Variants in NR2F1-AS1 observed in about 807,000 individuals in gnomAD.
NR2F1-AS1 encodes the protein NR2F1 antisense RNA 1.
chr5:93,415,971 G>A (rs1361933273), intron 4 of NR2F1-AS1, among the ~76,000 whole-genome samples: 1 of 152,158 alleles, frequency 6.6e-6, no homozygotes, highest in Non-Finnish European at 1.5e-5. Context: ...TTCACCACAA[G>A]TGGTGCCCAT....
At chr5:93,526,176 C>T (rs1245393128) in intron 4 of NR2F1-AS1, among the ~76,000 whole-genome samples, 1 of 152,122 alleles carries the variant, frequency 6.6e-6, no homozygotes, top group Non-Finnish European at 1.5e-5. Flanking sequence ...AAGGCAATAT[C>T]ACCACTGATC....
At chr5:93,535,614 C>T (rs1751822800) in intron 4 of NR2F1-AS1, among the ~76,000 whole-genome samples, 1 of 151,980 alleles carries the variant, frequency 6.6e-6, no homozygotes. Flanking sequence ...CAAAAAGACA[C>T]AAGCAAACTA....
intron 4 of NR2F1-AS1, among the ~76,000 whole-genome samples, chr5:93,551,885 C>T (rs76656861): frequency 0.041 from 6,203 of 152,224 alleles, 185 homozygotes; most frequent in Middle Eastern, 0.1. Context: ...CTCCAAGAAA[C>T]TAGTATAATT....
At chr5:93,569,069 G>C (rs554079788) in intron 1 of NR2F1-AS1, among the ~76,000 whole-genome samples, 2 of 152,212 alleles carry the variant, frequency 1.3e-5, no homozygotes, top group East Asian at 3.9e-4. Flanking sequence ...CTTTCTCCCA[G>C]TATCCACTCT....
chr5:93,580,117 G>T (rs1003376548), intron 1 of NR2F1-AS1, among the ~76,000 whole-genome samples: 1 of 152,244 alleles, frequency 6.6e-6, no homozygotes, highest in Admixed American at 6.5e-5. Flanking sequence ...GGTGTTAAAC[G>T]TGCGGGTCCC....
At chr5:93,425,159 A>G (rs1749169234) in intron 4 of NR2F1-AS1, among the ~76,000 whole-genome samples, 2 of 152,210 alleles carry the variant, frequency 1.3e-5, no homozygotes, top group Admixed American at 1.3e-4. Flanking sequence ...GACACCCCAG[A>G]GAGATCAGGG....
chr5:93,566,568 T>C (rs1488227444), intron 1 of NR2F1-AS1, among the ~76,000 whole-genome samples: 1 of 151,648 alleles, frequency 6.6e-6, no homozygotes, highest in African/African-American at 2.4e-5. Context: ...AGAAAAAGAG[T>C]GTTGTTCTGT....
At chr5:93,468,668 A>G (rs1448146335) in intron 4 of NR2F1-AS1, among the ~76,000 whole-genome samples, 2 of 152,158 alleles carry the variant, frequency 1.3e-5, no homozygotes, top group Non-Finnish European at 1.5e-5. Context: ...CCGTTTGTCT[A>G]TTTTGGCTTT....
At chr5:93,416,021 T>A (rs1193250959) in intron 4 of NR2F1-AS1, among the ~76,000 whole-genome samples, 1 of 152,182 alleles carries the variant, frequency 6.6e-6, no homozygotes, top group South Asian at 2.1e-4. Flanking sequence ...TCTGTTGAAG[T>A]GATGGATTCT....
At chr5:93,472,284 C>G (rs1750382781) in intron 4 of NR2F1-AS1, among the ~76,000 whole-genome samples, 2 of 151,748 alleles carry the variant, frequency 1.3e-5, no homozygotes. Context: ...AAAAGACAAT[C>G]ATGAATTTGC....
intron 4 of NR2F1-AS1, among the ~76,000 whole-genome samples, chr5:93,481,467 A>G (rs1009479715): frequency 7.2e-5 from 11 of 152,094 alleles, no homozygotes; most frequent in Non-Finnish European, 1.3e-4. Context: ...TAATAGTTGG[A>G]AACTTCAATA....
chr5:93,455,860 C>T (rs1409700348), intron 4 of NR2F1-AS1, among the ~76,000 whole-genome samples: 1 of 151,902 alleles, frequency 6.6e-6, no homozygotes, highest in Non-Finnish European at 1.5e-5. Flanking sequence ...CACACACACA[C>T]ACACACCTGA....
rs2149838795 is a variant in NR2F1-AS1 at position 93,411,750 on chromosome 5, C to A, written n.639-16208G>T. 2.6e-5 allele frequency among the ~76,000 whole-genome samples: 4 copies of A among 152,248 alleles called. No homozygotes were observed. The South Asian group carries it at 8.3e-4, about 32-fold the overall frequency. ...CTAAGGAAATCAGAAATATCACATACCTGCATATTTGGAAAAGAAAGTTCC... is the reference window on the plus strand; with the variant it reads ...CTAAGGAAATCAGAAATATCACATAACTGCATATTTGGAAAAGAAAGTTCC... On this transcript the variant is annotated intron_variant and non_coding_transcript_variant, in intron 4 of 5. Transcript: ENST00000660523.
chr5:93,535,305 T>C (rs1580311731), intron 4 of NR2F1-AS1, among the ~76,000 whole-genome samples: 2 of 149,802 alleles, frequency 1.3e-5, no homozygotes, highest in Admixed American at 6.6e-5. Flanking sequence ...TAAAAAACAA[T>C]GTGAAAATAA....
intron 4 of NR2F1-AS1, among the ~76,000 whole-genome samples, chr5:93,494,063 T>C (rs1245801114): frequency 6.6e-6 from 1 of 152,194 alleles, no homozygotes; most frequent in Non-Finnish European, 1.5e-5. Context: ...AATTTTGCAA[T>C]TATATCTGAT....
At chr5:93,517,263 T>C (rs750153554) in intron 4 of NR2F1-AS1, among the ~76,000 whole-genome samples, 6 of 151,968 alleles carry the variant, frequency 3.9e-5, no homozygotes, top group Non-Finnish European at 7.4e-5. Context: ...GCTGGCATTG[T>C]AGAGTAGAGC....
At chr5:93,563,419 T>C (rs548811372) in exon 2 of NR2F1-AS1, 1 of 152,336 alleles carries the variant, frequency 6.6e-6, no homozygotes, top group African/African-American at 2.4e-5. Flanking sequence ...CATCATGGGC[T>C]AGTTTCATTT....
chr5:93,461,947 A>C (rs1172540389), intron 4 of NR2F1-AS1, among the ~76,000 whole-genome samples: 1 of 152,186 alleles, frequency 6.6e-6, no homozygotes, highest in African/African-American at 2.4e-5. Flanking sequence ...AAAATGAGTA[A>C]AACTTACTCA....
intron 4 of NR2F1-AS1, among the ~76,000 whole-genome samples, chr5:93,505,094 C>T (rs922370232): frequency 2.6e-5 from 4 of 152,144 alleles, no homozygotes; most frequent in Non-Finnish European, 5.9e-5. Flanking sequence ...TGGGTAAATA[C>T]AGCTGTTCCA....
Sources: gnomAD v4.1 joint callset for allele counts (sites outside exome capture counted in the v4.1 genomes callset) on GRCh38, gnomAD v4.1.1 for gene constraint, MANE v1.5 for transcripts, NCBI Gene and HGNC (gene_info 2026-07-23, HGNC 2026-07-21) for gene names.